The following PASD1 variants were observed in gnomAD, a reference collection of about 807,000 sequenced individuals.
The protein encoded by PASD1 is circadian clock protein PASD1.
Under a neutral mutation model 58.8 loss-of-function variants are expected in PASD1, and 13 were observed. That is an observed-to-expected ratio of 0.22 (90% CI 0.14 to 0.35). The LOEUF (loss-of-function observed/expected upper bound fraction) is 0.35, where lower values mean the gene tolerates loss of function less well. Ranked by LOEUF, PASD1 falls within the 10% of genes least tolerant of loss-of-function variation. PASD1 has a pLI of 1.00. For synonymous variants in PASD1, 236 were observed against 216.7 expected, an observed-to-expected ratio of 1.09 and a Z score of -0.78; for missense variants, 734 against 568.3, an observed-to-expected ratio of 1.29 and a Z score of -2.96.
intron 5 of PASD1, 107 bp downstream of exon 5, chrX:151,621,136 T>A (rs2013702324): frequency 2.2e-6 from 1 of 452,012 alleles, no homozygotes; most frequent in African/African-American, 2.5e-5. Context: ...CGGCTGTTGA[T>A]CATATATTAA....
intron 15 of PASD1, 76 bp downstream of exon 15, chrX:151,674,262 A>C (rs2014516776): frequency 1.8e-6 from 2 of 1,135,960 alleles, no homozygotes; most frequent in Non-Finnish European, 2.4e-6. Context: ...TAAGGCACAC[A>C]CCCCAAGTGC....
chrX:151,604,834 A>G (rs971502176), intron 3 of PASD1, 100 bp downstream of exon 3: 16 of 626,308 alleles, frequency 2.6e-5, no homozygotes, highest in African/African-American at 2.5e-4. Context: ...GATCATATGC[A>G]TTAGAATCAA....
intron 4 of PASD1, among the ~76,000 whole-genome samples, chrX:151,613,612 C>T (rs2013597181): frequency 9.0e-6 from 1 of 111,411 alleles, no homozygotes; most frequent in Non-Finnish European, 1.9e-5. Context: ...TGATTTGGCT[C>T]TCTTGTTTGT....
rs184373230 is a variant in PASD1 at position 151,647,760 on chromosome X, T to A, written c.630-855T>A. Among the ~76,000 whole-genome samples the A allele has an allele frequency of 4.0e-3, 447 of 110,854 alleles. 2 individuals carry two copies. The highest frequency in any genetic ancestry group is 0.014 in the African/African-American group (424 of 30,663). Reference sequence around the variant, plus strand: ...ATAAAATGGATTTTTGTCAGGGTCCTCTGAAATACATAATGGAAAATTTAT... The same window carrying A: ...ATAAAATGGATTTTTGTCAGGGTCCACTGAAATACATAATGGAAAATTTAT... On this transcript the variant is annotated intron_variant, in intron 8 of 15. Transcript: ENST00000370357.
intron 9 of PASD1, among the ~76,000 whole-genome samples, chrX:151,649,484 G>A (rs2014104349): frequency 8.9e-6 from 1 of 111,798 alleles, no homozygotes; most frequent in Non-Finnish European, 1.9e-5. Flanking sequence ...CTGTAAAATG[G>A]AAGTAGTAAT....
At chrX:151,654,589 G>A (rs1392315802) in intron 9 of PASD1, among the ~76,000 whole-genome samples, 1 of 112,193 alleles carries the variant, frequency 8.9e-6, no homozygotes, top group Non-Finnish European at 1.9e-5. Flanking sequence ...AGTATTTACA[G>A]GAAGAAGGAA....
intron 9 of PASD1, among the ~76,000 whole-genome samples, chrX:151,655,610 G>C (rs369956542): frequency 1.9e-3 from 215 of 112,088 alleles, no homozygotes; most frequent in Non-Finnish European, 2.9e-3. Flanking sequence ...GCCAGTGATG[G>C]TGTGCATTTT....
At chrX:151,612,965 T>C (rs1330293590) in intron 4 of PASD1, among the ~76,000 whole-genome samples, 1 of 111,984 alleles carries the variant, frequency 8.9e-6, no homozygotes, top group African/African-American at 3.2e-5. Context: ...AACATTTAAG[T>C]CTTTAAACCA....
At chrX:151,627,306 T>C (rs1455121083) in intron 8 of PASD1, among the ~76,000 whole-genome samples, 2 of 110,690 alleles carry the variant, frequency 1.8e-5, no homozygotes, top group African/African-American at 6.6e-5. Context: ...CTGCACCCAT[T>C]AACTCTTCAT....
At chrX:151,644,961 A>G (rs1162671462) in intron 8 of PASD1, among the ~76,000 whole-genome samples, 1 of 110,902 alleles carries the variant, frequency 9.0e-6, no homozygotes, top group Non-Finnish European at 1.9e-5. Flanking sequence ...ATCCTCTTCT[A>G]AGAACATAAT....
chrX:151,600,650 G>T lies in PASD1; in HGVS notation c.-27-877G>T, dbSNP rs377555857. On this transcript the variant is annotated intron_variant, in intron 1 of 15. Coordinates refer to ENST00000370357, the MANE Select transcript of PASD1 (RefSeq NM_173493.3). ...AGGTGGTGAGTTTTAATTCCACTTC[G>T]CTGTTTGGGTTATTTTTTATCCAAT... Among the ~76,000 whole-genome samples, 6 of 109,404 alleles carry T rather than the reference G, an allele frequency of 5.5e-5. No homozygotes were observed. The East Asian group carries it at 1.5e-3, about 26-fold the overall frequency.
At chrX:151,569,930 T>C (rs903512096) in intron 1 of PASD1, among the ~76,000 whole-genome samples, 1 of 111,786 alleles carries the variant, frequency 8.9e-6, no homozygotes, top group African/African-American at 3.3e-5. Context: ...CTCGGTGGTA[T>C]ATATTTTTTG....
chrX:151,603,994 C>G (rs1182252511), intron 2 of PASD1, among the ~76,000 whole-genome samples: 2 of 111,630 alleles, frequency 1.8e-5, no homozygotes, highest in Non-Finnish European at 3.8e-5. Context: ...AGTGAAGTCC[C>G]TTTGCTAGTG....
chrX:151,625,660 C>T (rs1055384207), intron 8 of PASD1, 130 bp downstream of exon 8: 12 of 529,344 alleles, frequency 2.3e-5, no homozygotes, highest in East Asian at 1.8e-4. Context: ...AAGAAACAAA[C>T]GGGCCAGGGA....
chrX:151,665,903 T>G (rs1343899133), intron 11 of PASD1, among the ~76,000 whole-genome samples: 1 of 75,879 alleles, frequency 1.3e-5, no homozygotes, highest in Non-Finnish European at 2.7e-5. Context: ...TGTGTGTGTG[T>G]TTTTTTTTTT....
At chrX:151,634,012 C>A (rs2013899265) in intron 8 of PASD1, among the ~76,000 whole-genome samples, 1 of 112,159 alleles carries the variant, frequency 8.9e-6, no homozygotes, top group Non-Finnish European at 1.9e-5. Context: ...GAATGGGATT[C>A]ATCCAGCTCT....
chrX:151,616,197 G>A (rs938023544), intron 4 of PASD1, among the ~76,000 whole-genome samples: 3 of 111,828 alleles, frequency 2.7e-5, no homozygotes, highest in African/African-American at 9.7e-5. Context: ...AGTTTTATCA[G>A]AATCGCTTTG....
At chrX:151,666,909 A>G (rs1356970625) in intron 11 of PASD1, among the ~76,000 whole-genome samples, 1 of 106,482 alleles carries the variant, frequency 9.4e-6, no homozygotes, top group Non-Finnish European at 1.9e-5. Flanking sequence ...CAGTAATGGG[A>G]TGGCTGGGTC....
At chrX:151,661,953 G>A (rs931328953) in intron 10 of PASD1, among the ~76,000 whole-genome samples, 3 of 112,023 alleles carry the variant, frequency 2.7e-5, no homozygotes, top group African/African-American at 9.7e-5. Flanking sequence ...TTTTATTGCT[G>A]GTGGTGTTAA....
Sources: allele counts gnomAD v4.1 joint callset (sites outside exome capture counted in the v4.1 genomes callset), GRCh38; gene constraint gnomAD v4.1.1; transcripts MANE v1.5; gene names NCBI Gene and HGNC (gene_info 2026-07-23, HGNC 2026-07-21).